The following PLEKHG5 variants were observed in gnomAD, a reference collection of about 807,000 sequenced individuals.
The protein encoded by PLEKHG5 is pleckstrin homology and RhoGEF domain containing G5.
In PLEKHG5, 52 loss-of-function variants were observed where a neutral mutation model predicts 103.8. That is an observed-to-expected ratio of 0.50 (90% CI 0.40 to 0.63). The LOEUF (loss-of-function observed/expected upper bound fraction) is 0.63. Among genes scored for constraint, PLEKHG5 ranks in the 30% least tolerant of loss-of-function variants. The pLI, the probability that PLEKHG5 is intolerant of heterozygous loss-of-function variation, is 0.00. For missense variants in PLEKHG5, 1,205 were observed against 1,347.6 expected (o/e 0.89, Z 1.66); for synonymous variants, 592 against 575.5 (o/e 1.03, Z -0.41).
intron 1 of PLEKHG5, among the ~76,000 whole-genome samples, chr1:6,512,276 C>T (rs1482127183): frequency 6.6e-6 from 1 of 152,216 alleles, no homozygotes; most frequent in Non-Finnish European, 1.5e-5. Flanking sequence ...GGGGTCATCC[C>T]AGGCCGAGCG....
rs138710118 is a variant in PLEKHG5, at chr1:6,509,703, G to T, written c.-165+9742C>A. Among the ~76,000 whole-genome samples the T allele has an allele frequency of 1.5e-3, 227 of 152,336 alleles. 2 individuals carry two copies. The highest frequency in any genetic ancestry group is 5.2e-3 in the African/African-American group (218 of 41,584). On this transcript the variant is annotated intron_variant, in intron 1 of 21. Coordinates refer to the PLEKHG5 transcript ENST00000377740. The stretch of plus-strand genomic sequence containing the variant: ...TGAGGGCAGCCCCCGGCAGGGGAGG[G>T]CTTGGTTCAGGGTTAGGCTTCTGCC...
chr1:6,476,058 GT>G (rs753107186), intron 2 of PLEKHG5, 22 bp from the exon 3 acceptor site: 2 of 1,600,426 alleles, frequency 1.2e-6, no homozygotes, highest in South Asian at 2.2e-5. Flanking sequence ...GCAGGAGAGG[GT>G]TGTGCCTCCC....
chr1:6,474,785 A>G (rs1644710775), intron 5 of PLEKHG5, 198 bp from the exon 6 acceptor site: 3 of 668,578 alleles, frequency 4.5e-6, no homozygotes, highest in South Asian at 3.4e-5. Flanking sequence ...GCGCATCTGC[A>G]TACCACGGCA....
At chr1:6,489,856 A>G (rs1028987017) in intron 1 of PLEKHG5, among the ~76,000 whole-genome samples, 3 of 152,186 alleles carry the variant, frequency 2.0e-5, no homozygotes, top group Non-Finnish European at 4.4e-5. Context: ...GGAGAATGGT[A>G]AAATACCCCC....
upstream of PLEKHG5, among the ~76,000 whole-genome samples, chr1:6,492,456 C>G (rs1473889846): frequency 6.6e-6 from 1 of 152,144 alleles, no homozygotes; most frequent in African/African-American, 2.4e-5. Context: ...CCTTGATCTC[C>G]CGGCCTTTCT....
intron 1 of PLEKHG5, among the ~76,000 whole-genome samples, chr1:6,483,568 G>A (rs1644952032): frequency 6.6e-6 from 1 of 152,216 alleles, no homozygotes; most frequent in Non-Finnish European, 1.5e-5. Context: ...GGGAGGCTGA[G>A]GTGGGAAGAT....
chr1:6,469,820 AAG>A, intron 16 of PLEKHG5, 144 bp from the exon 17 acceptor site: 1 of 725,818 alleles, frequency 1.4e-6, no homozygotes, highest in Non-Finnish European at 2.3e-6. Flanking sequence ...AATGAAGAGG[AAG>A]ATGATTCTCT....
upstream of PLEKHG5, among the ~76,000 whole-genome samples, chr1:6,492,622 G>C (rs1645167316): frequency 6.6e-6 from 1 of 152,104 alleles, no homozygotes; most frequent in African/African-American, 2.4e-5. Context: ...CCTACGCTGT[G>C]CTAGGCTCTA....
upstream of PLEKHG5, chr1:6,496,666 T>G: frequency 1.2e-6 from 1 of 810,432 alleles, no homozygotes; most frequent in Non-Finnish European, 1.9e-6. Flanking sequence ...GGTGATCTCC[T>G]CAGTCCTCCC....
At chr1:6,474,792 G>A (rs138915220) in intron 5 of PLEKHG5, 615 of 662,944 alleles carry the variant, frequency 9.3e-4, no homozygotes, top group Admixed American at 1.8e-3. Context: ...TGCATACCAC[G>A]GCAGACCTGT....
intron 1 of PLEKHG5, among the ~76,000 whole-genome samples, chr1:6,502,633 C>A (rs1414962197): frequency 6.6e-6 from 1 of 152,242 alleles, no homozygotes; most frequent in Non-Finnish European, 1.5e-5. Flanking sequence ...CTCAGAGGAA[C>A]CGAGAGTGAC....
chr1:6,489,226 C>A (rs1171917420), intron 1 of PLEKHG5, among the ~76,000 whole-genome samples: 203 of 152,298 alleles, frequency 1.3e-3, no homozygotes, highest in African/African-American at 4.7e-3. Flanking sequence ...GTGGAGACTG[C>A]ATGCATGGGC....
chr1:6,481,558 A>T (rs908242772), intron 1 of PLEKHG5, among the ~76,000 whole-genome samples: 7 of 144,582 alleles, frequency 4.8e-5, no homozygotes, highest in Non-Finnish European at 7.5e-5. Context: ...TAAATAAATA[A>T]ATAAATATAT....
intron 7 of PLEKHG5, among the ~76,000 whole-genome samples, chr1:6,473,802 G>A (rs1273222930): frequency 6.6e-6 from 1 of 152,176 alleles, no homozygotes; most frequent in Non-Finnish European, 1.5e-5. Flanking sequence ...CACTAGAAGA[G>A]TCTCAGATAC....
chr1:6,508,029 G>A (rs888651264), intron 1 of PLEKHG5, among the ~76,000 whole-genome samples: 6 of 152,212 alleles, frequency 3.9e-5, no homozygotes, highest in South Asian at 2.1e-4. Flanking sequence ...ACCCAGCCTC[G>A]GCCCCTCTTT....
At chr1:6,474,694 C>G (rs868216044) in intron 5 of PLEKHG5, 107 bp from the exon 6 acceptor site, 20 of 1,172,442 alleles carry the variant, frequency 1.7e-5, no homozygotes, top group Middle Eastern at 5.4e-4. Flanking sequence ...CAGCTGCCCC[C>G]ACCTTCCCAA....
exon 1 of PLEKHG5, chr1:6,519,504 G>C (rs771611963): frequency 1.2e-6 from 2 of 1,613,764 alleles, no homozygotes; most frequent in East Asian, 4.5e-5. Context: ...TGTCAGGACT[G>C]AATTCATGCT....
rs1472251555 is a variant in PLEKHG5, at chr1:6,491,289, T to C, written c.-88+348A>G. Among the ~76,000 whole-genome samples the C allele has an allele frequency of 6.6e-6, 1 of 152,024 alleles. No individual in the cohort carries two copies. Among genetic ancestry groups the C allele is most frequent in the Non-Finnish European group, 1.5e-5 (1 of 68,016 alleles). ...CCAACCTGTTCCGCACTTTCAAGCTTTTTATACAGCCTTCCCCCGACCCCT... is the reference window on the plus strand; with the variant it reads ...CCAACCTGTTCCGCACTTTCAAGCTCTTTATACAGCCTTCCCCCGACCCCT... On this transcript the variant is annotated intron_variant, in intron 1 of 20. Transcript: ENST00000377728. The surrounding 1 kb of genome is among the most constrained non-coding windows in gnomAD (Gnocchi z 4.1).
At chr1:6,475,179 ACCGCCCTCATTCCCGCCCTCCTCC>A (rs1182425610) in intron 4 of PLEKHG5, 41 bp from the exon 5 acceptor site, 1 of 1,148,186 alleles carries the variant, frequency 8.7e-7, no homozygotes, top group African/African-American at 1.7e-5. Context: ...GCTTCTCCTC[ACCGCCCTCATTCCCGCCCTCCTCC>A]CCACCCTCCT....
Sources: gnomAD v4.1 joint callset for allele counts (sites outside exome capture counted in the v4.1 genomes callset) on GRCh38, gnomAD v4.1.1 for gene constraint, Gnocchi (gnomAD v3.1) non-coding constraint, MANE v1.5 for transcripts, NCBI Gene and HGNC (gene_info 2026-07-23, HGNC 2026-07-21) for gene names.